ITPRID1: variants seen among roughly 807,000 people sequenced by gnomAD.
ITPRID1 encodes ITPR interacting domain containing 1.
In ITPRID1, 96 loss-of-function variants were observed where a neutral mutation model predicts 95.4. That is an observed-to-expected ratio of 1.01 (90% CI 0.85 to 1.19). The LOEUF is 1.19. Among genes scored for constraint, ITPRID1 ranks in the 50% most tolerant of loss-of-function variants. ITPRID1 has a pLI of 0.00. For synonymous variants in ITPRID1, 510 were observed against 453.6 expected, an observed-to-expected ratio of 1.12 and a Z score of -1.58; for missense variants, 1,339 against 1,252.9, an observed-to-expected ratio of 1.07 and a Z score of -1.04.
chr7:31,598,898 T>C (rs548973830), intron 10 of ITPRID1, among the ~76,000 whole-genome samples: 10 of 152,350 alleles, frequency 6.6e-5, no homozygotes, highest in Admixed American at 2.0e-4. Context: ...GCAAAATTTT[T>C]AGTATTTGAT....
chr7:31,565,322 A>G (rs998641210), intron 5 of ITPRID1, among the ~76,000 whole-genome samples: 3 of 152,252 alleles, frequency 2.0e-5, no homozygotes, highest in African/African-American at 7.2e-5. Flanking sequence ...TTAAAAAATC[A>G]TATTCAGTTT....
Position 31,574,581 on chromosome 7 carries a change from AG to A in ITPRID1, c.438del (p.Ile147PhefsTer65). The A allele has an allele frequency of 6.2e-7, 1 of 1,613,916 alleles. No homozygotes were observed. Among genetic ancestry groups the A allele is most frequent in the South Asian group, 1.1e-5 (1 of 91,074 alleles). On this transcript the variant is annotated frameshift_variant, in exon 8 of 15. Coordinates refer to ENST00000615280, the MANE Select transcript of ITPRID1 (RefSeq NM_001257967.3). LOFTEE classifies it high-confidence loss of function. ...GAATTTTGGGAGATAGATCCAGTGG[AG>A]ATTCTCTTGGATCTGGGGTTTGGTG... ...WLEFWEIDPV[E>X]ILLDLGFGAD...
At chr7:31,569,150 T>C (rs1243367172) in intron 5 of ITPRID1, among the ~76,000 whole-genome samples, 1 of 152,208 alleles carries the variant, frequency 6.6e-6, no homozygotes, top group Admixed American at 6.5e-5. Flanking sequence ...ATGGGCTCAT[T>C]ACTAAAGTTC....
chr7:31,643,982 A>G, intron 12 of ITPRID1, 29 bp downstream of exon 12: 2 of 1,567,714 alleles, frequency 1.3e-6, no homozygotes, highest in Middle Eastern at 1.7e-4. Context: ...AAAGATGGAA[A>G]GGCAGATGCA....
intron 10 of ITPRID1, among the ~76,000 whole-genome samples, chr7:31,631,901 A>T (rs1789034585): frequency 1.3e-5 from 2 of 152,172 alleles, no homozygotes; most frequent in Non-Finnish European, 2.9e-5. Context: ...TTAGGATGAG[A>T]GTCAAGATAT....
chr7:31,609,788 T>C (rs1344125500), intron 10 of ITPRID1, among the ~76,000 whole-genome samples: 2 of 151,576 alleles, frequency 1.3e-5, no homozygotes, highest in South Asian at 2.1e-4. Context: ...ATTTTACTTA[T>C]CTCTGCTCCA....
At chr7:31,572,270 G>A in intron 7 of ITPRID1, 82 bp downstream of exon 7, 1 of 825,526 alleles carries the variant, frequency 1.2e-6, no homozygotes, top group Admixed American at 2.5e-5. Flanking sequence ...ATAGGCACTT[G>A]TTGAATGAAT....
rs772706441 is a variant in ITPRID1 at position 31,643,723 on chromosome 7, C to G, written c.2353C>G (p.Leu785Val). The change falls in exon 12 of 15, where the codon CTA becomes GTA. Residue 785 changes from leucine to valine, a missense_variant. Coordinates refer to ENST00000615280, the MANE Select transcript of ITPRID1 (RefSeq NM_001257967.3). ...CCAGCCCCTCACCAAATCCGTCTCT[C>G]TAGACTCAGGCTTCTCTAGTATCTG... Reference protein sequence around the residue: ...GPQPLTKSVSLDSGFSSICPM... With the variant: ...GPQPLTKSVSVDSGFSSICPM... 1 of 1,614,042 alleles carries G rather than the reference C, an allele frequency of 6.2e-7. No homozygotes were observed. The highest frequency in any genetic ancestry group is 8.5e-7 in the Non-Finnish European group (1 of 1,179,890).
chr7:31,517,235 A>C (rs920378335), intron 1 of ITPRID1: 2 of 152,020 alleles, frequency 1.3e-5, no homozygotes, highest in Admixed American at 6.6e-5. Flanking sequence ...TTTTACAGAG[A>C]GCTGATTGGT....
chr7:31,583,388 G>A (rs1219111678), intron 10 of ITPRID1, among the ~76,000 whole-genome samples, 197 bp downstream of exon 10: 1 of 152,208 alleles, frequency 6.6e-6, no homozygotes, highest in Non-Finnish European at 1.5e-5. Context: ...CACTGTGGGA[G>A]GCTGAGACGT....
chr7:31,518,229 A>G (rs1386807084), intron 1 of ITPRID1: 1 of 152,336 alleles, frequency 6.6e-6, no homozygotes, highest in African/African-American at 2.4e-5. Flanking sequence ...CTGAAAGGCA[A>G]GGAGATGGAT....
At position 31,652,800 on chromosome 7, in the gene ITPRID1, G is replaced by A. The variant is rs1288514373; in HGVS notation, c.3106G>A (p.Gly1036Arg). The change falls in exon 15 of 15, where the codon GGA (glycine) becomes AGA (arginine). Residue 1036 changes from glycine to arginine, a missense_variant. Coordinates refer to ENST00000615280, the MANE Select transcript of ITPRID1 (RefSeq NM_001257967.3). ...AACCCCTTTGTCAAATTGTCCTGTT[G>A]GAGAAAAGGATGCAGATGTCTTCCT... ...GPTPLSNCPV[G>R]EKDADVFL 1.9e-6 allele frequency: 3 copies of A among 1,613,332 alleles called. No homozygotes were observed. Among genetic ancestry groups the A allele is most frequent in the Admixed American group, 1.7e-5 (1 of 60,012 alleles).
intron 10 of ITPRID1, among the ~76,000 whole-genome samples, chr7:31,593,392 T>G (rs1785948341): frequency 6.6e-6 from 1 of 152,148 alleles, no homozygotes; most frequent in African/African-American, 2.4e-5. Flanking sequence ...GCTGACTTTA[T>G]CAATTTGTAA....
Position 31,519,620 on chromosome 7 carries a change from C to CTCTCTCCATATATATATATATA in ITPRID1, c.-98+5501_-98+5502insCTCTCCATATATATATATATAT. Among the ~76,000 whole-genome samples the CTCTCTCCATATATATATATATA allele has an allele frequency of 1.0e-3, 26 of 25,270 alleles. 1 individual carries two copies. In the South Asian group the frequency reaches 0.019, roughly 18 times the overall value. The allele number at this position is 25,270 out of a possible 152,430, so 16.6% of individuals were successfully genotyped here. A position where few individuals can be genotyped will look rare whatever the true frequency, so the allele number is the denominator to read the frequency against. On this transcript the variant is annotated intron_variant, in intron 1 of 14. Transcript: ENST00000615280. ...TCTCTCTCTCTCTCTCTCTCTCTCT[C>CTCTCTCCATATATATATATATA]TATATATATATATATATATATATAT...
At chr7:31,552,466 T>A (rs1784312563) in intron 2 of ITPRID1, among the ~76,000 whole-genome samples, 2 of 152,172 alleles carry the variant, frequency 1.3e-5, no homozygotes, top group Admixed American at 6.5e-5. Flanking sequence ...TCCACTGAGG[T>A]TAACAGTTAT....
At position 31,655,577 on chromosome 7, in the gene ITPRID1, G is replaced by A. The variant is rs1387197338; in HGVS notation, c.*2748G>A. Among the ~76,000 whole-genome samples, 1 of 152,136 alleles carries A rather than the reference G, an allele frequency of 6.6e-6. No homozygotes were observed. The highest frequency in any genetic ancestry group is 1.5e-5 in the Non-Finnish European group (1 of 68,034). ...TCACAGGATCATACTTCCCAGAGCA[G>A]CCTTCCACCAGAAATAAAAGTCCAG... On this transcript the variant is annotated 3_prime_UTR_variant, in exon 15 of 15. Transcript: ENST00000615280.
chr7:31,611,948 C>T (rs1314002341), intron 10 of ITPRID1, among the ~76,000 whole-genome samples: 2 of 151,450 alleles, frequency 1.3e-5, no homozygotes, highest in Non-Finnish European at 2.9e-5. Context: ...ATGCCTTTTT[C>T]TTTTCTCTTC....
At chr7:31,616,412 CCTGT>C (rs200465182) in intron 10 of ITPRID1, among the ~76,000 whole-genome samples, 62 of 53,504 alleles carry the variant, frequency 1.2e-3, no homozygotes, top group African/African-American at 4.2e-3. Context: ...ATCCCTACCA[CCTGT>C]CTTAGGTTGG....
At chr7:31,598,123 G>A (rs1786165738) in intron 10 of ITPRID1, among the ~76,000 whole-genome samples, 1 of 152,154 alleles carries the variant, frequency 6.6e-6, no homozygotes, top group African/African-American at 2.4e-5. Flanking sequence ...TATAGCAACA[G>A]TGTAAGTGTA....
Sources: gnomAD v4.1 joint callset for allele counts (sites outside exome capture counted in the v4.1 genomes callset) on GRCh38, gnomAD v4.1.1 for gene constraint, MANE v1.5 for transcripts, NCBI Gene and HGNC (gene_info 2026-07-23, HGNC 2026-07-21) for gene names.